The following MIPOL1 variants were observed in gnomAD, a reference collection of about 807,000 sequenced individuals.
MIPOL1 encodes mirror-image polydactyly 1.
A neutral mutation model predicts 60.9 loss-of-function variants in MIPOL1; 57 were observed. That is an observed-to-expected ratio of 0.94 (90% CI 0.76 to 1.17). The LOEUF is 1.17. Ranked by LOEUF, MIPOL1 falls within the 50% of genes most tolerant of loss-of-function variation. MIPOL1 has a pLI of 0.00. For missense variants in MIPOL1, 551 were observed against 511.6 expected (o/e 1.08, Z -0.74); for synonymous variants, 179 against 168.8 (o/e 1.06, Z -0.47).
At chr14:37,213,538 A>T (rs1967066054) in intron 1 of MIPOL1, among the ~76,000 whole-genome samples, 1 of 152,296 alleles carries the variant, frequency 6.6e-6, no homozygotes, top group South Asian at 2.1e-4. Flanking sequence ...AAAAGAAAAA[A>T]GAATAAAAAA....
At chr14:37,394,217 T>C (rs540504173) in intron 10 of MIPOL1, among the ~76,000 whole-genome samples, 2 of 151,438 alleles carry the variant, frequency 1.3e-5, no homozygotes, top group East Asian at 3.9e-4. Context: ...ATTTTGCTGC[T>C]ATGAACATGC....
chr14:37,455,897 CCTT>C (rs922645666), intron 11 of MIPOL1, among the ~76,000 whole-genome samples: 2 of 152,082 alleles, frequency 1.3e-5, no homozygotes, highest in African/African-American at 4.8e-5. Flanking sequence ...TCAATAATCT[CCTT>C]AATAGCTCAG....
intron 10 of MIPOL1, among the ~76,000 whole-genome samples, chr14:37,371,417 C>A (rs2092635117): frequency 6.6e-6 from 1 of 152,082 alleles, no homozygotes; most frequent in Admixed American, 6.6e-5. Context: ...TAATTTAAAA[C>A]AATGTAGCTA....
rs1477531176 is a variant in MIPOL1, at chr14:37,434,379, TG to T, written c.1031+11431del. On this transcript the variant is annotated intron_variant, in intron 11 of 12. Transcript: ENST00000684589. Reference sequence around the variant, plus strand: ...TCCTTCGCTCATTTTTTGATGAGGTTGTTTTTTTTCTTGTAAATTTGTTTAA... The same window carrying T: ...TCCTTCGCTCATTTTTTGATGAGGTTTTTTTTTTCTTGTAAATTTGTTTAA... The T allele has an allele frequency of 2.6e-5, 4 of 152,312 alleles. No homozygotes were observed. In the East Asian group the frequency reaches 5.8e-4, roughly 22 times the overall value. The allele number at this position is 152,312 out of a possible 1,614,324, so 9.4% of individuals were successfully genotyped here.
intron 10 of MIPOL1, among the ~76,000 whole-genome samples, chr14:37,371,124 A>G (rs1423954320): frequency 7.0e-6 from 1 of 143,510 alleles, no homozygotes; most frequent in African/African-American, 2.6e-5. Flanking sequence ...AGATGGAATA[A>G]TTTTTTTTTT....
intron 12 of MIPOL1, among the ~76,000 whole-genome samples, chr14:37,516,128 T>G (rs1038752273): frequency 1.3e-5 from 2 of 152,190 alleles, no homozygotes; most frequent in Admixed American, 1.3e-4. Context: ...CTATTCAGTG[T>G]GGGGTTTTAT....
At chr14:37,534,779 A>T (rs997749708) in intron 12 of MIPOL1, among the ~76,000 whole-genome samples, 3 of 152,188 alleles carry the variant, frequency 2.0e-5, no homozygotes, top group Admixed American at 6.5e-5. Flanking sequence ...ATCTTCTGTT[A>T]CGTACTTTCC....
chr14:37,549,098 A>T lies in MIPOL1; in HGVS notation c.*2127A>T, dbSNP rs1247344161. 1 of 151,814 alleles carries T rather than the reference A, an allele frequency of 6.6e-6. No individual in the cohort carries two copies. The highest frequency in any genetic ancestry group is 2.4e-5 in the African/African-American group (1 of 41,396). 9.4% of individuals were successfully genotyped at this position (151,814 alleles called of 1,614,324 possible). A position where few individuals can be genotyped will look rare whatever the true frequency, so the allele number is the denominator to read the frequency against. On this transcript the variant is annotated 3_prime_UTR_variant, in exon 13 of 13. Transcript: ENST00000684589. ...ACAGTGTGTCAGATGGTCTTTATAT[A>T]TTTTTTCTGTATGAAGGAATAGCCT...
At chr14:37,410,591 A>G (rs1361652630) in intron 10 of MIPOL1, among the ~76,000 whole-genome samples, 1 of 152,154 alleles carries the variant, frequency 6.6e-6, no homozygotes, top group African/African-American at 2.4e-5. Flanking sequence ...AAGAAAAGTG[A>G]CTAATATAAA....
chr14:37,218,338 G>A (rs1968113403), intron 1 of MIPOL1, among the ~76,000 whole-genome samples: 1 of 130,804 alleles, frequency 7.6e-6, no homozygotes, highest in South Asian at 2.8e-4. Flanking sequence ...GCACCAAAAT[G>A]CCTGGCTCAT....
At chr14:37,463,473 A>G (rs2153583356) in intron 11 of MIPOL1, among the ~76,000 whole-genome samples, 1 of 152,272 alleles carries the variant, frequency 6.6e-6, no homozygotes, top group Admixed American at 6.5e-5. Flanking sequence ...CAACCAACTG[A>G]TCTTTGACGG....
intron 12 of MIPOL1, among the ~76,000 whole-genome samples, chr14:37,540,587 A>G (rs2095525903): frequency 6.6e-6 from 1 of 151,888 alleles, no homozygotes; most frequent in South Asian, 2.1e-4. Context: ...TCTTCCTTAC[A>G]TTTCTGTGCT....
intron 1 of MIPOL1, among the ~76,000 whole-genome samples, chr14:37,207,357 A>G (rs1966252645): frequency 6.6e-6 from 1 of 152,110 alleles, no homozygotes; most frequent in South Asian, 2.1e-4. Flanking sequence ...CTCTCGATCC[A>G]TGTGGAACTG....
chr14:37,253,540 T>A (rs1227299686), intron 3 of MIPOL1, among the ~76,000 whole-genome samples: 2 of 151,664 alleles, frequency 1.3e-5, no homozygotes, highest in Non-Finnish European at 3.0e-5. Context: ...ATAAAAAAAA[T>A]TAAAACAAAG....
intron 11 of MIPOL1, among the ~76,000 whole-genome samples, chr14:37,476,899 T>C (rs976991487): frequency 2.9e-5 from 4 of 136,552 alleles, no homozygotes; most frequent in African/African-American, 5.3e-5. Flanking sequence ...TAATGTCTTT[T>C]TTTTTTTTTT....
At chr14:37,251,399 T>C (rs1432028694) in intron 3 of MIPOL1, among the ~76,000 whole-genome samples, 2 of 152,020 alleles carry the variant, frequency 1.3e-5, no homozygotes, top group African/African-American at 4.8e-5. Flanking sequence ...AAAAAAACAG[T>C]CCTGAATGAA....
chr14:37,328,127 C>T (rs911557462), intron 9 of MIPOL1, among the ~76,000 whole-genome samples: 1 of 152,072 alleles, frequency 6.6e-6, no homozygotes, highest in Admixed American at 6.6e-5. Context: ...ATTCTTCTGC[C>T]CCAGCCTCCC....
chr14:37,439,299 G>A (rs910620930), intron 11 of MIPOL1, among the ~76,000 whole-genome samples: 6 of 152,150 alleles, frequency 3.9e-5, no homozygotes, highest in Non-Finnish European at 5.9e-5. Flanking sequence ...CTGATAGAGA[G>A]GAGGAGGAAG....
At chr14:37,380,881 G>A (rs938221016) in intron 10 of MIPOL1, among the ~76,000 whole-genome samples, 1 of 152,046 alleles carries the variant, frequency 6.6e-6, no homozygotes, top group East Asian at 1.9e-4. Flanking sequence ...TGAATTTTAG[G>A]CCCAACAGGC....
Sources: allele counts gnomAD v4.1 joint callset (sites outside exome capture counted in the v4.1 genomes callset), GRCh38; gene constraint gnomAD v4.1.1; transcripts MANE v1.5; gene names NCBI Gene and HGNC (gene_info 2026-07-23, HGNC 2026-07-21).